The following RPE65 variants were observed in gnomAD, a reference collection of about 807,000 sequenced individuals.
The protein encoded by RPE65 is retinoid isomerohydrolase.
In RPE65, 58 loss-of-function variants were observed where a neutral mutation model predicts 68.5. The observed-to-expected ratio is 0.85, with a 90% CI of 0.69 to 1.05. RPE65 has a LOEUF of 1.05. RPE65 is among the 50% of genes least tolerant of loss of function. The pLI is 0.00. For synonymous variants in RPE65, 220 were observed against 222.2 expected (o/e 0.99, Z 0.09); for missense variants, 643 against 629.9 (o/e 1.02, Z -0.22).
intron 9 of RPE65, among the ~76,000 whole-genome samples, 182 bp from the exon 10 acceptor site, chr1:68,438,498 T>TAAATCCAATAAA (rs1645876794): frequency 6.6e-6 from 1 of 152,160 alleles, no homozygotes; most frequent in African/African-American, 2.4e-5. Flanking sequence ...TAAAGCAACC[T>TAAATCCAATAAA]GCTTAATGGA....
At chr1:68,436,620 C>A (rs2100814823) in intron 10 of RPE65, among the ~76,000 whole-genome samples, 1 of 152,042 alleles carries the variant, frequency 6.6e-6, no homozygotes, top group Non-Finnish European at 1.5e-5. Context: ...AGGCATGCAC[C>A]ACCATGCCCA....
Position 68,429,466 on chromosome 1 carries a change from C to G in RPE65, c.*310G>C. The G allele has an allele frequency of 2.8e-6, 1 of 354,588 alleles. No individual in the cohort carries two copies. 22.0% of individuals were successfully genotyped at this position (354,588 alleles called of 1,614,324 possible). ...AGCAGATAGGTACCTAAAATATGCT[C>G]TTATAATAGGAATTAAAAGCCATTT... On this transcript the variant is annotated 3_prime_UTR_variant, in exon 14 of 14. Transcript: ENST00000262340.
chr1:68,436,350 T>G (rs1645862385), intron 10 of RPE65, among the ~76,000 whole-genome samples: 1 of 152,166 alleles, frequency 6.6e-6, no homozygotes, highest in African/African-American at 2.4e-5. Context: ...CAGCTGCCTA[T>G]GGAATGCTTT....
Position 68,443,687 on chromosome 1 carries a change from T to C in RPE65, c.495+844A>G, listed in dbSNP as rs933979006. Among the ~76,000 whole-genome samples, 9 of 151,772 alleles carry C rather than the reference T, an allele frequency of 5.9e-5. 1 individual carries two copies. Among genetic ancestry groups the C allele is most frequent in the South Asian group, 4.1e-4 (2 of 4,828 alleles). On this transcript the variant is annotated intron_variant, in intron 5 of 13. Coordinates refer to ENST00000262340, the MANE Select transcript of RPE65 (RefSeq NM_000329.3). ...TTATGCTTTCTTAAAAGATTTTCCT[T>C]CTTAAAAGACTCGTCATATTCTTTG...
chr1:68,439,273 A>G lies in RPE65; in HGVS notation c.776T>C (p.Ile259Thr). The G allele has an allele frequency of 6.2e-7, 1 of 1,614,052 alleles. No homozygotes were observed. Among genetic ancestry groups the G allele is most frequent in the East Asian group, 2.2e-5 (1 of 44,866 alleles). The part of the protein sequence containing the change: ...YIVFVETPVK[I>T]NLFKFLSSWS... ...TGAAGAAAGGAACTTGAACAGGTTA[A>G]TTTTGACTGGTGTCTCCACAAAAAC... is the stretch of plus-strand genomic sequence containing the variant. Residue 259 changes from isoleucine (I) to threonine (T), a missense_variant, in exon 8 of 14, where the codon ATT becomes ACT. Physicochemically the swap from Ile to Thr is moderately conservative, Grantham distance 89 (BLOSUM62 -1). Transcript: ENST00000262340.
chr1:68,448,645 G>C lies in RPE65; in HGVS notation c.73C>G (p.Pro25Ala). 6.2e-7 allele frequency: 1 copy of C among 1,613,950 alleles called. No individual in the cohort carries two copies. Among genetic ancestry groups the C allele is most frequent in the Non-Finnish European group, 8.5e-7 (1 of 1,179,990 alleles). Residue 25 changes from proline to alanine, a missense_variant, in exon 2 of 14, where the codon CCG (proline) becomes GCG (alanine). Transcript: ENST00000262340. The part of the protein sequence containing the change: ...LFETVEELSS[P>A]LTAHVTGRIP... ...CAACCTGTTACATGAGCTGTGAGCG[G>C]CGAGGACAGTTCCTCCACAGTTTCA...
chr1:68,438,089 A>G (rs763604636), intron 10 of RPE65, 98 bp downstream of exon 10: 36 of 1,480,392 alleles, frequency 2.4e-5, no homozygotes, highest in Non-Finnish European at 3.4e-5. Flanking sequence ...TAGCTCTCAA[A>G]TTTCAAGACT....
chr1:68,445,591 G>C (rs1645937060), intron 3 of RPE65, among the ~76,000 whole-genome samples: 1 of 152,060 alleles, frequency 6.6e-6, no homozygotes, highest in Admixed American at 6.5e-5. Context: ...TTGGCTCACT[G>C]CAACCTCCGC....
intron 2 of RPE65, 136 bp from the exon 3 acceptor site, chr1:68,446,996 GCCCT>G: frequency 1.7e-6 from 2 of 1,174,818 alleles, no homozygotes; most frequent in Non-Finnish European, 2.5e-6. Flanking sequence ...TTCATTTCCA[GCCCT>G]CGCGCTGGAC....
rs536859597 is a variant in RPE65, at chr1:68,442,177, T to C, written c.496-1177A>G. Among the ~76,000 whole-genome samples the C allele has an allele frequency of 2.1e-4, 32 of 152,260 alleles. No individual in the cohort carries two copies. In the South Asian group the frequency reaches 6.6e-3, roughly 32 times the overall value. ...ATAAGCCGGTGTAAAGCACTGTGAG[T>C]GTGCAATGGCATCGTAGAGAAGCGC... On this transcript the variant is annotated intron_variant, in intron 5 of 13. Coordinates refer to ENST00000262340, the MANE Select transcript of RPE65 (RefSeq NM_000329.3).
intron 10 of RPE65, among the ~76,000 whole-genome samples, chr1:68,437,977 G>A (rs1288217884): frequency 6.6e-6 from 1 of 152,138 alleles, no homozygotes; most frequent in African/African-American, 2.4e-5. Flanking sequence ...TCTTATCCTG[G>A]CTCTGCTGCA....
At chr1:68,434,109 T>TAC (rs1466348777) in intron 10 of RPE65, among the ~76,000 whole-genome samples, 86 of 142,090 alleles carry the variant, frequency 6.1e-4, no homozygotes, top group South Asian at 2.1e-3. Flanking sequence ...TATATATATA[T>TAC]ATATATACAC....
rs1244889411 is a variant in RPE65 at position 68,439,545 on chromosome 1, C to T, written c.725+16G>A. On this transcript the variant is annotated intron_variant, in intron 7 of 13. Coordinates refer to ENST00000262340, the MANE Select transcript of RPE65 (RefSeq NM_000329.3). ...CTTGAGTTTTCCTGAAGATTCATAG[C>T]AGGCCTTCAAGTTACCTATGAACGT... 1.9e-6 allele frequency: 3 copies of T among 1,611,522 alleles called. No homozygotes were observed. Among genetic ancestry groups the T allele is most frequent in the Non-Finnish European group, 8.5e-7 (1 of 1,177,606 alleles).
In RPE65 at chr1:68,444,902, T is replaced by C. The variant is rs760543731; in HGVS notation, c.246-19A>G. 3 of 1,609,256 alleles carry C rather than the reference T, an allele frequency of 1.9e-6. No individual in the cohort carries two copies. Among genetic ancestry groups the C allele is most frequent in the South Asian group, 1.1e-5 (1 of 90,950 alleles). On this transcript the variant is annotated intron_variant, in intron 3 of 13. Coordinates refer to ENST00000262340, the MANE Select transcript of RPE65 (RefSeq NM_000329.3). ...GATGAACCTGAAGGACATTGAAACA[T>C]AGGGAAGAGTATAGACAGGAGCAAT...
chr1:68,432,045 C>G (rs2100808759), intron 10 of RPE65, among the ~76,000 whole-genome samples: 1 of 149,338 alleles, frequency 6.7e-6, no homozygotes, highest in Non-Finnish European at 1.5e-5. Context: ...AAAAAAAATC[C>G]TTACAGTTAT....
At chr1:68,439,716 C>T (rs1645887081) in intron 6 of RPE65, 74 bp from the exon 7 acceptor site, 1 of 1,108,198 alleles carries the variant, frequency 9.0e-7, no homozygotes. Context: ...TTTAGAACAG[C>T]TTATACAGGC....
At chr1:68,432,387 G>A (rs187745497) in intron 10 of RPE65, among the ~76,000 whole-genome samples, 2 of 152,246 alleles carry the variant, frequency 1.3e-5, no homozygotes, top group South Asian at 2.1e-4. Flanking sequence ...AAACGTGAAG[G>A]GTAAGCGGTT....
rs1353289001 is a variant in RPE65 at position 68,431,154 on chromosome 1, G to C, written c.1361C>G (p.Thr454Ser). ...CTCTTGCCAAACCCAAGTTTCTTTA[G>C]TTTTGACATTCAGCTTACAGAGCTG... ...PDRLCKLNVK[T>S]KETWVWQEPD... The change falls in exon 13 of 14, where the codon ACT becomes AGT. Residue 454 changes from threonine to serine, a missense_variant. Thr to Ser is a moderately conservative substitution (Grantham distance 58). Transcript: ENST00000262340. The C allele has an allele frequency of 6.2e-7, 1 of 1,613,600 alleles. No individual in the cohort carries two copies. The highest frequency in any genetic ancestry group is 8.5e-7 in the Non-Finnish European group (1 of 1,179,802).
intron 10 of RPE65, among the ~76,000 whole-genome samples, chr1:68,436,082 C>A (rs1193838496): frequency 6.6e-6 from 1 of 152,176 alleles, no homozygotes; most frequent in African/African-American, 2.4e-5. Flanking sequence ...AAAAATCCTT[C>A]TTTTTTCTTT....
Sources: allele counts gnomAD v4.1 joint callset (sites outside exome capture counted in the v4.1 genomes callset), GRCh38; gene constraint gnomAD v4.1.1; transcripts MANE v1.5; gene names NCBI Gene and HGNC (gene_info 2026-07-23, HGNC 2026-07-21).